The following PPP2R5A variants were observed in gnomAD, a reference collection of about 807,000 sequenced individuals.
The protein encoded by PPP2R5A is protein phosphatase 2 regulatory subunit B'alpha, also known as serine/threonine-protein phosphatase 2A 56 kDa regulatory subunit alpha isoform.
A neutral mutation model predicts 64.2 loss-of-function variants in PPP2R5A; 25 were observed. The observed-to-expected ratio is 0.39, with a 90% CI of 0.28 to 0.54. PPP2R5A has a LOEUF of 0.54. Ranked by LOEUF, PPP2R5A falls within the 20% of genes least tolerant of loss-of-function variation. The probability of loss-of-function intolerance (pLI) is 0.67; values close to 1 mark genes in which losing one functional copy is unlikely to be tolerated. For missense variants in PPP2R5A, 425 were observed against 576.3 expected (o/e 0.74, Z 2.69); for synonymous variants, 198 against 201.2 (o/e 0.98, Z 0.13).
At chr1:212,343,086 T>C (rs980117992) in intron 4 of PPP2R5A, among the ~76,000 whole-genome samples, 2 of 151,920 alleles carry the variant, frequency 1.3e-5, no homozygotes, top group Non-Finnish European at 2.9e-5. Flanking sequence ...TAGCTGGGAC[T>C]ACAGGCACAC....
chr1:212,292,984 G>A (rs1306972094), intron 1 of PPP2R5A, among the ~76,000 whole-genome samples: 1 of 152,168 alleles, frequency 6.6e-6, no homozygotes, highest in South Asian at 2.1e-4. Context: ...TGCCAGTAAA[G>A]CCCCTTCCTC....
At chr1:212,357,437 G>A (rs1448207272) in intron 11 of PPP2R5A, 153 bp downstream of exon 11, 17 of 606,062 alleles carry the variant, frequency 2.8e-5, no homozygotes, top group Middle Eastern at 4.8e-4. Flanking sequence ...TTTTATATAC[G>A]TATACCTTTA....
chr1:212,306,445 AAAC>A (rs1658903354), intron 1 of PPP2R5A, among the ~76,000 whole-genome samples: 1 of 152,218 alleles, frequency 6.6e-6, no homozygotes, highest in African/African-American at 2.4e-5. Flanking sequence ...ATATCAAACA[AAAC>A]AGACTTTAAA....
At chr1:212,305,984 A>G (rs1658892871) in intron 1 of PPP2R5A, among the ~76,000 whole-genome samples, 2 of 152,188 alleles carry the variant, frequency 1.3e-5, no homozygotes, top group Non-Finnish European at 2.9e-5. Context: ...ATTCTTAGCA[A>G]AGCAATTTTA....
chr1:212,328,061 C>T (rs927605990), intron 1 of PPP2R5A, among the ~76,000 whole-genome samples: 4 of 152,184 alleles, frequency 2.6e-5, no homozygotes, highest in Admixed American at 6.5e-5. Context: ...GTGATCTGCC[C>T]GCCTTGGCCT....
chr1:212,294,732 G>C (rs541726337), intron 1 of PPP2R5A, among the ~76,000 whole-genome samples: 3 of 152,300 alleles, frequency 2.0e-5, no homozygotes, highest in African/African-American at 7.2e-5. Flanking sequence ...TAAGCAGGCA[G>C]TTGCAATTAA....
intron 1 of PPP2R5A, among the ~76,000 whole-genome samples, chr1:212,286,590 C>G (rs1658508851): frequency 6.6e-6 from 1 of 152,214 alleles, no homozygotes; most frequent in Non-Finnish European, 1.5e-5. Context: ...TCTTGCGTCC[C>G]GTGAAGTAGA....
chr1:212,356,628 G>T lies in PPP2R5A; in HGVS notation c.930G>T (p.Val310=). 1 of 1,611,298 alleles carries T rather than the reference G, an allele frequency of 6.2e-7. No individual in the cohort carries two copies. The highest frequency in any genetic ancestry group is 1.1e-5 in the South Asian group (1 of 90,394). ...GCTAAACTTTTTCTTTTTCGCAGGT[G>T]ATCAGAGGACTGCTGAAATTTTGGC... ...LEKDTTLTEP[V]IRGLLKFWPK... The change falls in exon 9 of 13, where the codon GTG becomes GTT. Residue 310 remains valine (V), a splice_region_variant and synonymous_variant. Transcript: ENST00000261461.
chr1:212,342,150 A>G (rs112889361), intron 3 of PPP2R5A, 38 bp from the exon 4 acceptor site: 1 of 1,606,514 alleles, frequency 6.2e-7, no homozygotes, highest in Non-Finnish European at 8.5e-7. Flanking sequence ...AATATTCTGT[A>G]GCCATCATCT....
chr1:212,320,381 A>G (rs961892340), intron 1 of PPP2R5A, among the ~76,000 whole-genome samples: 12 of 152,070 alleles, frequency 7.9e-5, no homozygotes, highest in African/African-American at 1.9e-4. Flanking sequence ...CGATTTCTCA[A>G]TCTTTTCCCC....
At chr1:212,329,883 A>G (rs1378435129) in intron 2 of PPP2R5A, among the ~76,000 whole-genome samples, 2 of 152,064 alleles carry the variant, frequency 1.3e-5, no homozygotes, top group Non-Finnish European at 2.9e-5. Context: ...TGACACGTTG[A>G]TCGACCTGCC....
At chr1:212,334,578 T>A (rs1052419678) in intron 3 of PPP2R5A, among the ~76,000 whole-genome samples, 1 of 152,178 alleles carries the variant, frequency 6.6e-6, no homozygotes, top group African/African-American at 2.4e-5. Flanking sequence ...AGGTGTGCAA[T>A]TAATGACAAA....
chr1:212,349,118 G>A (rs1051047108), intron 7 of PPP2R5A, 71 bp from the exon 8 acceptor site: 2 of 1,065,498 alleles, frequency 1.9e-6, no homozygotes, highest in Non-Finnish European at 2.6e-6. Context: ...AAAAATATTG[G>A]CTAAATATAA....
intron 1 of PPP2R5A, chr1:212,309,491 G>A: frequency 1.3e-6 from 1 of 787,246 alleles, no homozygotes; most frequent in Non-Finnish European, 2.3e-6. Context: ...GAAGGGGCAG[G>A]AGCTTCCTTC....
intron 1 of PPP2R5A, among the ~76,000 whole-genome samples, chr1:212,295,881 A>G (rs1658683114): frequency 6.6e-6 from 1 of 152,234 alleles, no homozygotes; most frequent in African/African-American, 2.4e-5. Flanking sequence ...AAATTGTAAA[A>G]GCTGAGTGAG....
chr1:212,325,641 G>T (rs950966749), intron 1 of PPP2R5A, among the ~76,000 whole-genome samples: 1 of 151,794 alleles, frequency 6.6e-6, no homozygotes, highest in Admixed American at 6.6e-5. Context: ...TCATCATTAT[G>T]GAATTTATAT....
intron 1 of PPP2R5A, among the ~76,000 whole-genome samples, chr1:212,288,073 A>G (rs1018735015): frequency 3.3e-5 from 5 of 152,066 alleles, no homozygotes; most frequent in Non-Finnish European, 7.4e-5. Flanking sequence ...CTGGAGTGCA[A>G]TGGCGCGATC....
At chr1:212,302,581 A>G (rs919120266) in intron 1 of PPP2R5A, among the ~76,000 whole-genome samples, 2 of 152,218 alleles carry the variant, frequency 1.3e-5, no homozygotes, top group African/African-American at 4.8e-5. Context: ...CCAGAGCTTA[A>G]AACAGCTCTA....
intron 1 of PPP2R5A, among the ~76,000 whole-genome samples, chr1:212,328,118 G>A (rs1386513195): frequency 6.6e-6 from 1 of 152,164 alleles, no homozygotes; most frequent in Admixed American, 6.5e-5. Flanking sequence ...CCTAGCCGTT[G>A]GTTCCTGCTT....
Sources: allele counts gnomAD v4.1 joint callset (sites outside exome capture counted in the v4.1 genomes callset), GRCh38; gene constraint gnomAD v4.1.1; transcripts MANE v1.5; gene names NCBI Gene and HGNC (gene_info 2026-07-23, HGNC 2026-07-21).